The following TMEM232 variants were observed in gnomAD, a reference collection of about 807,000 sequenced individuals.
TMEM232 encodes transmembrane protein 232.
Under a neutral mutation model 78.8 loss-of-function variants are expected in TMEM232, and 80 were observed. That is an observed-to-expected ratio of 1.01 (90% CI 0.85 to 1.22). The LOEUF (loss-of-function observed/expected upper bound fraction) is 1.22, where lower values mean the gene tolerates loss of function less well. Among genes scored for constraint, TMEM232 ranks in the 50% most tolerant of loss-of-function variants. TMEM232 has a pLI of 0.00. For synonymous variants in TMEM232, 297 were observed against 254.3 expected (o/e 1.17, Z -1.60); for missense variants, 881 against 742.2 (o/e 1.19, Z -2.17).
intron 5 of TMEM232, among the ~76,000 whole-genome samples, chr5:110,633,201 T>C (rs963479510): frequency 1.3e-5 from 2 of 152,174 alleles, no homozygotes; most frequent in Non-Finnish European, 2.9e-5. Context: ...AGAACATTCA[T>C]TATCAATAGA....
intron 1 of TMEM232, among the ~76,000 whole-genome samples, chr5:110,705,710 A>G (rs112944929): frequency 0.024 from 1,620 of 68,352 alleles, 14 homozygotes; most frequent in African/African-American, 0.071. Flanking sequence ...ATGTGTGTGT[A>G]TATATATATA....
intron 2 of TMEM232, among the ~76,000 whole-genome samples, chr5:110,731,757 T>C (rs970847936): frequency 6.6e-6 from 1 of 152,202 alleles, no homozygotes; most frequent in Non-Finnish European, 1.5e-5. Flanking sequence ...AGGCCTGTGA[T>C]GGAAGGATGC....
chr5:110,512,310 C>G (rs1417499496), intron 12 of TMEM232, among the ~76,000 whole-genome samples: 1 of 152,136 alleles, frequency 6.6e-6, no homozygotes, highest in African/African-American at 2.4e-5. Flanking sequence ...GAAAAGTAAA[C>G]TATGTGGGTG....
chr5:110,533,899 G>A (rs1038653886), intron 11 of TMEM232, among the ~76,000 whole-genome samples: 1 of 152,088 alleles, frequency 6.6e-6, no homozygotes, highest in Non-Finnish European at 1.5e-5. Context: ...CCGCCTCTTA[G>A]AACCTCTCAG....
chr5:110,427,029 G>A (rs186088995), intron 12 of TMEM232, among the ~76,000 whole-genome samples: 91 of 152,014 alleles, frequency 6.0e-4, no homozygotes, highest in African/African-American at 2.1e-3. Flanking sequence ...ATACATCTGT[G>A]ATTTCTTAGT....
Position 110,703,344 on chromosome 5 carries a change from A to G in TMEM232, c.-13+23283T>C, listed in dbSNP as rs139039615. Among the ~76,000 whole-genome samples, 23 of 152,184 alleles carry G rather than the reference A, an allele frequency of 1.5e-4. No individual in the cohort carries two copies. The East Asian group carries it at 4.3e-3, about 28-fold the overall frequency. On this transcript the variant is annotated intron_variant, in intron 1 of 13. Coordinates refer to ENST00000455884, the MANE Select transcript of TMEM232 (RefSeq NM_001039763.4). ...TGATGGGATTTCAGTTTGCTATGCT[A>G]CAACATGTTTATAAGCTTACTCACT...
chr5:110,602,486 G>A (rs1308164520), intron 10 of TMEM232, among the ~76,000 whole-genome samples: 1 of 151,956 alleles, frequency 6.6e-6, no homozygotes, highest in Non-Finnish European at 1.5e-5. Flanking sequence ...CAAAGGATAT[G>A]AACAGACACT....
At chr5:110,668,618 C>T (rs1170986490) in intron 1 of TMEM232, among the ~76,000 whole-genome samples, 1 of 152,068 alleles carries the variant, frequency 6.6e-6, no homozygotes, top group Admixed American at 6.6e-5. Flanking sequence ...CAGCTCTGCA[C>T]CAAGCAGACC....
intron 11 of TMEM232, among the ~76,000 whole-genome samples, chr5:110,532,732 C>A (rs996771922): frequency 2.6e-5 from 4 of 152,060 alleles, no homozygotes; most frequent in African/African-American, 9.7e-5. Context: ...CCTTAACACA[C>A]AAGTATAAGA....
At chr5:110,628,763 ATAAAAT>A (rs2149956790) in intron 5 of TMEM232, 1 of 151,998 alleles carries the variant, frequency 6.6e-6, no homozygotes, top group South Asian at 2.1e-4. Context: ...TAAAAATAAA[ATAAAAT>A]TAAAAAGATA....
chr5:110,674,799 G>A (rs1791813060), intron 1 of TMEM232, among the ~76,000 whole-genome samples: 1 of 152,156 alleles, frequency 6.6e-6, no homozygotes, highest in Admixed American at 6.6e-5. Context: ...ACAATATGGA[G>A]ACAAACTTAG....
At chr5:110,723,284 G>C (rs1797828314) in intron 1 of TMEM232, among the ~76,000 whole-genome samples, 4 of 152,166 alleles carry the variant, frequency 2.6e-5, no homozygotes, top group Non-Finnish European at 5.9e-5. Context: ...CATTAGACCA[G>C]TTGACACATA....
At chr5:110,522,460 T>A (rs894938056) in intron 12 of TMEM232, among the ~76,000 whole-genome samples, 1 of 152,180 alleles carries the variant, frequency 6.6e-6, no homozygotes, top group African/African-American at 2.4e-5. Flanking sequence ...TGAACAGAAA[T>A]AGCAAGAATG....
intron 12 of TMEM232, among the ~76,000 whole-genome samples, chr5:110,524,345 GAGAAAGAAAGAAAGAAAA>G (rs1372434985): frequency 0.05 from 5,332 of 106,034 alleles, 151 homozygotes; most frequent in African/African-American, 0.12. Context: ...GAAAAAGAAA[GAGAAAGAAAGAAAGAAAA>G]AAAGAAAGAA....
intron 10 of TMEM232, among the ~76,000 whole-genome samples, chr5:110,598,709 T>C (rs553764596): frequency 1.3e-5 from 2 of 151,926 alleles, no homozygotes; most frequent in East Asian, 1.9e-4. Flanking sequence ...ATGTCCTCTG[T>C]AGGGACATGG....
chr5:110,722,247 C>A (rs1335042319), intron 1 of TMEM232, among the ~76,000 whole-genome samples: 1 of 152,136 alleles, frequency 6.6e-6, no homozygotes, highest in Non-Finnish European at 1.5e-5. Flanking sequence ...ATTTGTATAA[C>A]AAATCACTCC....
intron 12 of TMEM232, among the ~76,000 whole-genome samples, chr5:110,491,686 A>G (rs1664837655): frequency 6.6e-6 from 1 of 151,992 alleles, no homozygotes; most frequent in South Asian, 2.1e-4. Flanking sequence ...CATTAATTCA[A>G]ATTAGATGGA....
intron 5 of TMEM232, among the ~76,000 whole-genome samples, chr5:110,634,521 C>A (rs955385736): frequency 1.3e-5 from 2 of 151,716 alleles, no homozygotes; most frequent in African/African-American, 4.8e-5. Context: ...TGAAACACAA[C>A]TGGAAATCAA....
intron 4 of TMEM232, among the ~76,000 whole-genome samples, chr5:110,388,690 G>A (rs1435699694): frequency 6.6e-6 from 1 of 152,112 alleles, no homozygotes; most frequent in African/African-American, 2.4e-5. Flanking sequence ...TCCCATAGAA[G>A]GGGGATCTCA....
Sources: gnomAD v4.1 joint callset for allele counts (sites outside exome capture counted in the v4.1 genomes callset) on GRCh38, gnomAD v4.1.1 for gene constraint, MANE v1.5 for transcripts, NCBI Gene and HGNC (gene_info 2026-07-23, HGNC 2026-07-21) for gene names.